The following XIRP2 variants were observed in gnomAD, a reference collection of about 807,000 sequenced individuals.
The protein encoded by XIRP2 is xin actin binding repeat containing 2, also known as xin actin-binding repeat-containing protein 2.
Under a neutral mutation model 277.0 loss-of-function variants are expected in XIRP2, and 236 were observed. The observed-to-expected ratio is 0.85, with a 90% CI of 0.77 to 0.95. The LOEUF is 0.95. XIRP2 is among the 40% of genes least tolerant of loss of function. XIRP2 has a pLI of 0.00. For synonymous variants in XIRP2, 1,490 were observed against 1,416.5 expected (o/e 1.05, Z -1.17); for missense variants, 4,640 against 4,157.5 (o/e 1.12, Z -3.19).
intron 3 of XIRP2, among the ~76,000 whole-genome samples, chr2:167,159,790 GAC>G (rs1692309912): frequency 6.6e-6 from 1 of 152,120 alleles, no homozygotes; most frequent in South Asian, 2.1e-4. Flanking sequence ...GTACATATAT[GAC>G]ACAATGCTCA....
In XIRP2 at chr2:167,259,623, G is replaced by A. The variant is rs545780944; in HGVS notation, c.*1806G>A. The A allele has an allele frequency of 6.1e-4, 214 of 351,578 alleles. 2 individuals are homozygous for A. Among genetic ancestry groups the A allele is most frequent in the Middle Eastern group, 4.9e-3 (6 of 1,230 alleles). The allele number at this position is 351,578 out of a possible 1,614,324, so 21.8% of individuals were successfully genotyped here. On this transcript the variant is annotated 3_prime_UTR_variant, in exon 11 of 11. Coordinates refer to ENST00000409195, the MANE Select transcript of XIRP2 (RefSeq NM_152381.6). ...TGTTTTCCATTCAAATGGCACTTTA[G>A]CATATTGTTCTGTTTTCCTGTAAAA...
intron 2 of XIRP2, among the ~76,000 whole-genome samples, chr2:166,988,815 C>T (rs1321361717): frequency 2.7e-4 from 14 of 51,322 alleles, no homozygotes; most frequent in Non-Finnish European, 3.9e-4. Flanking sequence ...GAGGGTCCTA[C>T]GCCCACGGAA....
intron 2 of XIRP2, among the ~76,000 whole-genome samples, chr2:166,913,966 C>T (rs1684789412): frequency 1.3e-5 from 2 of 152,156 alleles, no homozygotes; most frequent in African/African-American, 4.8e-5. Context: ...ACAAAAGTCT[C>T]CCAAAGATAT....
intron 2 of XIRP2, among the ~76,000 whole-genome samples, chr2:166,954,886 G>A (rs1354718102): frequency 6.6e-6 from 1 of 151,752 alleles, no homozygotes; most frequent in African/African-American, 2.4e-5. Context: ...GACACAGGGA[G>A]GGGAACAACA....
chr2:167,083,157 C>T (rs933443892), intron 2 of XIRP2, among the ~76,000 whole-genome samples: 2 of 152,166 alleles, frequency 1.3e-5, no homozygotes, highest in Non-Finnish European at 2.9e-5. Context: ...CAGCTTTCTA[C>T]ATATGGCTAG....
chr2:167,035,834 A>C (rs1574191033), intron 2 of XIRP2, among the ~76,000 whole-genome samples: 1 of 152,340 alleles, frequency 6.6e-6, no homozygotes, highest in East Asian at 1.9e-4. Context: ...AAGTGGTTTC[A>C]TGGGTTTAAC....
chr2:167,134,651 C>G (rs1419877452), intron 2 of XIRP2, among the ~76,000 whole-genome samples: 1 of 152,060 alleles, frequency 6.6e-6, no homozygotes, highest in African/African-American at 2.4e-5. Context: ...AGTACCGAAC[C>G]CTACATATAC....
chr2:166,916,022 A>G (rs768801212), intron 2 of XIRP2, among the ~76,000 whole-genome samples: 1 of 152,186 alleles, frequency 6.6e-6, no homozygotes, highest in Non-Finnish European at 1.5e-5. Flanking sequence ...ATGCTAAGGG[A>G]CCATGAACCT....
At chr2:166,981,945 G>A (rs563162093) in intron 2 of XIRP2, among the ~76,000 whole-genome samples, 1 of 152,224 alleles carries the variant, frequency 6.6e-6, no homozygotes, top group Non-Finnish European at 1.5e-5. Flanking sequence ...CTTTCCTAAA[G>A]TTCAAAGTAT....
chr2:167,223,916 G>C (rs1694509046), intron 5 of XIRP2, among the ~76,000 whole-genome samples: 1 of 152,146 alleles, frequency 6.6e-6, no homozygotes, highest in African/African-American at 2.4e-5. Context: ...AATCCCCTGA[G>C]TTACCCATCT....
rs777441822 is a variant in XIRP2 at position 167,249,457 on chromosome 2, CAGA to C, written c.8071_8073del (p.Lys2691del). The C allele has an allele frequency of 1.5e-5, 25 of 1,613,780 alleles. No homozygotes were observed. The highest frequency in any genetic ancestry group is 1.9e-5 in the Non-Finnish European group (23 of 1,179,824). ...AGAATGTAGTACCCAACAAACACAA[CAGA>C]AGAAGTATTTGGAGCAGTTGCACTT... is the stretch of plus-strand genomic sequence containing the variant. On this transcript the variant is annotated inframe_deletion, in exon 9 of 11. Transcript: ENST00000409195.
intron 2 of XIRP2, among the ~76,000 whole-genome samples, chr2:167,097,197 C>T (rs1267157173): frequency 6.6e-6 from 1 of 152,112 alleles, no homozygotes; most frequent in East Asian, 1.9e-4. Flanking sequence ...TTTGTAGTCT[C>T]TAAGAACTTG....
intron 3 of XIRP2, among the ~76,000 whole-genome samples, chr2:167,152,259 C>T (rs969298469): frequency 4.6e-5 from 7 of 152,024 alleles, no homozygotes; most frequent in African/African-American, 7.2e-5. Flanking sequence ...CCGCCCCATA[C>T]CAAAAGAAGA....
At position 167,257,891 on chromosome 2, in the gene XIRP2, T is replaced by C. The variant is rs777269469; in HGVS notation, c.*74T>C. ...TTATGCATCACTTCATGGACAAATA[T>C]ACTGTAAACCTCACTTTAAACAACT... On this transcript the variant is annotated 3_prime_UTR_variant, in exon 11 of 11. Coordinates refer to ENST00000409195, the MANE Select transcript of XIRP2 (RefSeq NM_152381.6). 14 of 1,607,132 alleles carry C rather than the reference T, an allele frequency of 8.7e-6. No homozygotes were observed. The Admixed American group carries it at 1.0e-4, about 12-fold the overall frequency.
intron 3 of XIRP2, among the ~76,000 whole-genome samples, chr2:167,193,866 T>A (rs60893609): frequency 0.11 from 14,344 of 127,608 alleles, 1,568 homozygotes; most frequent in African/African-American, 0.31. Context: ...TGACACAGTA[T>A]GAGACTCTGT....
intron 2 of XIRP2, among the ~76,000 whole-genome samples, chr2:167,060,011 G>A (rs182620964): frequency 1.2e-3 from 189 of 152,260 alleles, no homozygotes; most frequent in African/African-American, 4.2e-3. Context: ...AGATCATCCT[G>A]GCTGAGCTGC....
rs760854225 is a variant in XIRP2 at position 167,249,241 on chromosome 2, A to G, written c.7849A>G (p.Asn2617Asp). ...TCAACCCAGCCCAGGCTCTCAAAGT[A>G]ATGCTCGGATACTAGGAGTGTGTTC... Reference protein sequence around the residue: ...VVQPSPGSQSNARILGVCSDN... With the variant: ...VVQPSPGSQSDARILGVCSDN... The change falls in exon 9 of 11, where the codon AAT (asparagine) becomes GAT (aspartate). Residue 2617 changes from asparagine (N) to aspartate (D), a missense_variant. By Grantham distance (23) the Asn-to-Asp change is conservative. Transcript: ENST00000409195. 7 of 1,613,782 alleles carry G rather than the reference A, an allele frequency of 4.3e-6. No homozygotes were observed. Among genetic ancestry groups the G allele is most frequent in the Admixed American group, 3.3e-5 (2 of 59,962 alleles).
Position 167,259,378 on chromosome 2 carries a change from C to G in XIRP2, c.*1561C>G. ...ACACTGAGTAAAATATCTATGGCCA[C>G]TGACAGTCCACACTTAGGCACTGAG... is the stretch of plus-strand genomic sequence containing the variant. On this transcript the variant is annotated 3_prime_UTR_variant, in exon 11 of 11. Transcript: ENST00000409195. 2 of 1,582,646 alleles carry G rather than the reference C, an allele frequency of 1.3e-6. No homozygotes were observed. Among genetic ancestry groups the G allele is most frequent in the South Asian group, 2.3e-5 (2 of 85,578 alleles).
At chr2:167,003,022 T>A (rs1192895974) in intron 2 of XIRP2, among the ~76,000 whole-genome samples, 2 of 151,900 alleles carry the variant, frequency 1.3e-5, no homozygotes, top group Admixed American at 6.6e-5. Flanking sequence ...TATGTTTCTC[T>A]TATTGAACAA....
Sources: allele counts gnomAD v4.1 joint callset (sites outside exome capture counted in the v4.1 genomes callset), GRCh38; gene constraint gnomAD v4.1.1; transcripts MANE v1.5; gene names NCBI Gene and HGNC (gene_info 2026-07-23, HGNC 2026-07-21).